Variants in NUP88 observed in about 807,000 individuals in gnomAD.
The protein encoded by NUP88 is nucleoporin 88.
In NUP88, 57 loss-of-function variants were observed where a neutral mutation model predicts 93.9. The ratio of observed to expected loss-of-function variants is 0.61; its 90% CI spans 0.49 to 0.76. The LOEUF is 0.76. Ranked by LOEUF, NUP88 falls within the 30% of genes least tolerant of loss-of-function variation. The pLI is 0.00. For synonymous variants in NUP88, 346 were observed against 336.8 expected, an observed-to-expected ratio of 1.03 and a Z score of -0.30; for missense variants, 911 against 901.0, an observed-to-expected ratio of 1.01 and a Z score of -0.14.
chr17:5,414,559 A>G (rs1471337078), intron 2 of NUP88, among the ~76,000 whole-genome samples: 2 of 152,250 alleles, frequency 1.3e-5, no homozygotes, highest in African/African-American at 4.8e-5. Flanking sequence ...CCCTGAAATC[A>G]TGCTGAGAGG....
intron 2 of NUP88, among the ~76,000 whole-genome samples, chr17:5,416,157 A>AGTATATATATATAT (rs1376858837): frequency 5.6e-5 from 7 of 125,434 alleles, no homozygotes; most frequent in South Asian, 6.0e-4. Context: ...AAAAAAAAAA[A>AGTATATATATATAT]AAAAAAAAAG....
At chr17:5,417,518 C>A (rs115756157) in intron 1 of NUP88, among the ~76,000 whole-genome samples, 2,466 of 152,128 alleles carry the variant, frequency 0.016, 74 homozygotes, top group African/African-American at 0.055. Context: ...GCAGACCCAG[C>A]CCCTGCCTTG....
At chr17:5,389,048 C>T in intron 10 of NUP88, 88 bp from the exon 11 acceptor site, 3 of 977,998 alleles carry the variant, frequency 3.1e-6, no homozygotes, top group Non-Finnish European at 2.9e-6. Context: ...CCAGAACTTT[C>T]AGAATATAAA....
rs774697722 is a variant in NUP88, at chr17:5,405,157, A to G, written c.944T>C (p.Leu315Pro). 1.6e-5 allele frequency: 26 copies of G among 1,614,226 alleles called. No individual in the cohort carries two copies. Among genetic ancestry groups the G allele is most frequent in the Non-Finnish European group, 2.2e-5 (26 of 1,180,026 alleles). The change falls in exon 6 of 17, where the codon CTC (leucine) becomes CCC (proline). Residue 315 changes from leucine (L) to proline (P), a missense_variant. Physicochemically the swap from Leu to Pro is moderately conservative, Grantham distance 98. Coordinates refer to ENST00000573584, the MANE Select transcript of NUP88 (RefSeq NM_002532.6). ...DNYGYDACAV[L>P]CLPCVPNILV... ...GATATTGGGGACACAGGGTAAGCAG[A>G]GTACAGCACACGCATCATAACCATA...
chr17:5,417,322 C>T (rs1914209205), intron 1 of NUP88, among the ~76,000 whole-genome samples: 1 of 152,070 alleles, frequency 6.6e-6, no homozygotes, highest in South Asian at 2.1e-4. Flanking sequence ...AAGTAAATAG[C>T]CAGGCGTGGT....
At chr17:5,386,884 T>G in intron 15 of NUP88, 58 bp from the exon 16 acceptor site, 1 of 1,579,634 alleles carries the variant, frequency 6.3e-7, no homozygotes, top group South Asian at 1.1e-5. Flanking sequence ...TTTCACAGTA[T>G]CTATTTGAAT....
Position 5,386,790 on chromosome 17 carries a change from C to T in NUP88, c.2080G>A (p.Glu694Lys), listed in dbSNP as rs1205842865. Reference sequence around the variant, plus strand: ...GGTTTTGGAAGACTCAACACCTTCTCCATCTTTTGCTGTTGATAATCCTTT... The same window carrying T: ...GGTTTTGGAAGACTCAACACCTTCTTCATCTTTTGCTGTTGATAATCCTTT... ...MKKDYQQQKM[E>K]KVLSLPKPTI... Residue 694 changes from glutamate (E) to lysine (K), a missense_variant, in exon 16 of 17, where the codon GAG becomes AAG. Physicochemically the swap from Glu to Lys is moderately conservative, Grantham distance 56. Transcript: ENST00000573584. The T allele has an allele frequency of 1.9e-5, 30 of 1,613,898 alleles. No homozygotes were observed. The highest frequency in any genetic ancestry group is 2.5e-5 in the Non-Finnish European group (29 of 1,179,798).
intron 8 of NUP88, among the ~76,000 whole-genome samples, chr17:5,395,300 G>T (rs1041187272): frequency 6.8e-6 from 1 of 147,744 alleles, no homozygotes; most frequent in Admixed American, 6.8e-5. Context: ...AAATGCTTGG[G>T]ATCAGAAGTG....
chr17:5,387,498 G>C (rs750417903), intron 13 of NUP88, 32 bp from the exon 14 acceptor site: 11 of 1,608,014 alleles, frequency 6.8e-6, no homozygotes, highest in Middle Eastern at 3.3e-4. Context: ...GACTCTTGAG[G>C]TCCACCCCTT....
Position 5,405,204 on chromosome 17 carries a change from C to A in NUP88, c.897G>T (p.Met299Ile), listed in dbSNP as rs754102274. Reference protein sequence around the residue: ...NIGKLLGPLPMHPAAEDNYGY... With the variant: ...NIGKLLGPLPIHPAAEDNYGY... ...CATAGTTATCTTCAGCCGCAGGATG[C>A]ATGGGCAATGGACCCAACAGCTTTC... The change falls in exon 6 of 17, where the codon ATG becomes ATT. Residue 299 changes from methionine (M) to isoleucine (I), a missense_variant. By Grantham distance (10) the Met-to-Ile change is conservative. Coordinates refer to ENST00000573584, the MANE Select transcript of NUP88 (RefSeq NM_002532.6). 6.2e-7 allele frequency: 1 copy of A among 1,614,024 alleles called. No homozygotes were observed. The highest frequency in any genetic ancestry group is 1.1e-5 in the South Asian group (1 of 91,046).
intron 1 of NUP88, among the ~76,000 whole-genome samples, chr17:5,417,271 C>A (rs982406503): frequency 1.3e-5 from 2 of 152,156 alleles, no homozygotes; most frequent in African/African-American, 4.8e-5. Context: ...CTTATAAATT[C>A]TGGGCACTCC....
chr17:5,407,210 T>C (rs1913551575), intron 5 of NUP88, among the ~76,000 whole-genome samples: 1 of 152,204 alleles, frequency 6.6e-6, no homozygotes, highest in East Asian at 1.9e-4. Flanking sequence ...TACTCTCTTC[T>C]CTCTCCTGTA....
rs773175859 is a variant in NUP88, at chr17:5,399,599, C to T, written c.1244G>A (p.Ser415Asn). ...TTTATGAATCCAAGTTAGCCCAACA[C>T]TATGTACACCAGCTTCATGAGTACA... is the stretch of plus-strand genomic sequence containing the variant. ...YHCTHEAGVH[S>N]VGLTWIHKLH... is the part of the protein sequence containing the mutation. The change falls in exon 8 of 17, where the codon AGT becomes AAT. Residue 415 changes from serine (S) to asparagine (N), a missense_variant. By Grantham distance (46) the Ser-to-Asn change is conservative. Transcript: ENST00000573584. 2 of 1,611,132 alleles carry T rather than the reference C, an allele frequency of 1.2e-6. No homozygotes were observed. The highest frequency in any genetic ancestry group is 2.2e-5 in the South Asian group (2 of 90,762).
intron 7 of NUP88, among the ~76,000 whole-genome samples, chr17:5,400,140 T>TAA (rs1280995996): frequency 4.1e-5 from 5 of 120,632 alleles, no homozygotes; most frequent in Admixed American, 1.8e-4. Flanking sequence ...TTTCATTTGT[T>TAA]AAAAAAAAAA....
chr17:5,400,241 G>C (rs1227451170), intron 7 of NUP88, among the ~76,000 whole-genome samples: 1 of 151,714 alleles, frequency 6.6e-6, no homozygotes, highest in Non-Finnish European at 1.5e-5. Flanking sequence ...GCTCACGTCT[G>C]TAATCCCAGC....
intron 9 of NUP88, among the ~76,000 whole-genome samples, chr17:5,392,080 G>A (rs969758020): frequency 1.3e-5 from 2 of 152,228 alleles, no homozygotes; most frequent in African/African-American, 2.4e-5. Flanking sequence ...CACTTGGCAC[G>A]CACAGCGTGT....
At position 5,385,966 on chromosome 17, in the gene NUP88, A is replaced by C; in HGVS notation, c.*240T>G. On this transcript the variant is annotated 3_prime_UTR_variant, in exon 17 of 17. Transcript: ENST00000573584. ...GTTCAGGGAGGTTCTGGCAGTGTGC[A>C]GTGTGAAATAATCCTGAGTCCTTGC... 2.2e-6 allele frequency: 1 copy of C among 460,404 alleles called. No homozygotes were observed. The highest frequency in any genetic ancestry group is 4.0e-5 in the Admixed American group (1 of 24,988). 28.5% of individuals were successfully genotyped at this position (460,404 alleles called of 1,614,324 possible).
At chr17:5,414,446 C>T (rs532307182) in intron 2 of NUP88, among the ~76,000 whole-genome samples, 2 of 152,146 alleles carry the variant, frequency 1.3e-5, no homozygotes, top group African/African-American at 2.4e-5. Flanking sequence ...CTGCCCACCT[C>T]GGCCTCGCAA....
chr17:5,394,772 G>GC, intron 9 of NUP88, 119 bp downstream of exon 9: 1 of 706,020 alleles, frequency 1.4e-6, no homozygotes, highest in Admixed American at 2.2e-5. Flanking sequence ...TATCACGTCT[G>GC]CAACTTTCAA....
Sources: allele counts gnomAD v4.1 joint callset (sites outside exome capture counted in the v4.1 genomes callset), GRCh38; gene constraint gnomAD v4.1.1; transcripts MANE v1.5; gene names NCBI Gene and HGNC (gene_info 2026-07-23, HGNC 2026-07-21).